Variants in FILIP1L observed in about 807,000 individuals in gnomAD.
FILIP1L encodes the protein filamin A interacting protein 1 like.
In FILIP1L, 55 loss-of-function variants were observed where a neutral mutation model predicts 96.6. The observed-to-expected ratio is 0.57, with a 90% CI of 0.46 to 0.71. FILIP1L has a LOEUF of 0.71. Among genes scored for constraint, FILIP1L ranks in the 30% least tolerant of loss-of-function variants. The pLI, the probability that FILIP1L is intolerant of heterozygous loss-of-function variation, is 0.00. For missense variants in FILIP1L, 1,304 were observed against 1,321.2 expected (o/e 0.99, Z 0.20); for synonymous variants, 467 against 473.9 (o/e 0.99, Z 0.19).
intron 1 of FILIP1L, among the ~76,000 whole-genome samples, chr3:100,111,313 A>T (rs531795680): frequency 1.3e-5 from 2 of 152,306 alleles, no homozygotes; most frequent in Admixed American, 1.3e-4. Flanking sequence ...ACTCATGTTG[A>T]AAATGCAGAA....
intron 1 of FILIP1L, among the ~76,000 whole-genome samples, chr3:100,111,332 G>A (rs2066487190): frequency 6.6e-6 from 1 of 152,112 alleles, no homozygotes; most frequent in Non-Finnish European, 1.5e-5. Flanking sequence ...AATTTTTCTA[G>A]AACTTTATTT....
At chr3:99,980,142 CAGT>C (rs1265398935) in intron 1 of FILIP1L, among the ~76,000 whole-genome samples, 1 of 152,106 alleles carries the variant, frequency 6.6e-6, no homozygotes, top group African/African-American at 2.4e-5. Context: ...GTGAGACATG[CAGT>C]AGTACCTTAG....
At chr3:100,076,054 C>G (rs1413446762) in intron 1 of FILIP1L, among the ~76,000 whole-genome samples, 1 of 152,180 alleles carries the variant, frequency 6.6e-6, no homozygotes, top group African/African-American at 2.4e-5. Context: ...CTTCTTTCAA[C>G]TACATGGCTT....
chr3:100,012,192 A>T (rs1455436689), intron 1 of FILIP1L, among the ~76,000 whole-genome samples: 1 of 152,200 alleles, frequency 6.6e-6, no homozygotes, highest in African/African-American at 2.4e-5. Context: ...TGTCTTTTAT[A>T]TTCCAAAAGG....
At chr3:99,840,489 T>C (rs1943087245) in intron 5 of FILIP1L, among the ~76,000 whole-genome samples, 1 of 152,126 alleles carries the variant, frequency 6.6e-6, no homozygotes, top group African/African-American at 2.4e-5. Context: ...CCCAAAGTGC[T>C]GGGATTACAG....
intron 4 of FILIP1L, among the ~76,000 whole-genome samples, chr3:99,920,261 T>C (rs1482271749): frequency 6.6e-6 from 1 of 152,004 alleles, no homozygotes; most frequent in African/African-American, 2.4e-5. Flanking sequence ...AAAGCAACTC[T>C]TTTTTTTCTT....
At chr3:99,996,024 A>T (rs1709668795) in intron 1 of FILIP1L, among the ~76,000 whole-genome samples, 1 of 152,222 alleles carries the variant, frequency 6.6e-6, no homozygotes, top group African/African-American at 2.4e-5. Context: ...AAATTTCTGC[A>T]GCTGGCTTGA....
chr3:99,947,052 C>G (rs768136577), intron 1 of FILIP1L, among the ~76,000 whole-genome samples: 4 of 149,188 alleles, frequency 2.7e-5, no homozygotes, highest in Non-Finnish European at 3.0e-5. Context: ...CAGGGAGAAT[C>G]ACTTGCAGCT....
intron 1 of FILIP1L, among the ~76,000 whole-genome samples, chr3:100,058,337 A>C (rs945731175): frequency 3.9e-5 from 6 of 152,238 alleles, no homozygotes; most frequent in Admixed American, 6.5e-5. Context: ...AACTTTGTAC[A>C]ATCAGATGCT....
intron 1 of FILIP1L, among the ~76,000 whole-genome samples, chr3:99,985,202 G>GA (rs1242875724): frequency 4.6e-5 from 7 of 152,148 alleles, no homozygotes; most frequent in Admixed American, 2.0e-4. Flanking sequence ...AAAAGGTTGA[G>GA]AAAACTGCAA....
intron 1 of FILIP1L, among the ~76,000 whole-genome samples, chr3:100,077,547 G>A (rs1307634703): frequency 6.6e-6 from 1 of 152,182 alleles, no homozygotes; most frequent in Non-Finnish European, 1.5e-5. Flanking sequence ...AACATTCCAG[G>A]TAGAGGAATT....
intron 1 of FILIP1L, among the ~76,000 whole-genome samples, chr3:100,054,565 T>C (rs2065431915): frequency 6.6e-6 from 1 of 151,064 alleles, no homozygotes; most frequent in African/African-American, 2.4e-5. Context: ...GTTACCTACC[T>C]GCCCCTGTTG....
At chr3:99,960,456 A>T (rs545520974) in intron 1 of FILIP1L, among the ~76,000 whole-genome samples, 1 of 152,224 alleles carries the variant, frequency 6.6e-6, no homozygotes, top group Non-Finnish European at 1.5e-5. Context: ...CACAGGGGAA[A>T]AATCAAAGAT....
At chr3:99,931,254 TG>T (rs2107663525) in intron 1 of FILIP1L, among the ~76,000 whole-genome samples, 1 of 152,264 alleles carries the variant, frequency 6.6e-6, no homozygotes, top group Admixed American at 6.5e-5. Context: ...TGTTCTGTCT[TG>T]ATTAAGGCCA....
At chr3:99,930,670 T>C in intron 2 of FILIP1L, 99 bp downstream of exon 2, 1 of 1,315,366 alleles carries the variant, frequency 7.6e-7, no homozygotes, top group Non-Finnish European at 1.1e-6. Flanking sequence ...TACACACATG[T>C]ATGAACCACA....
At chr3:99,917,365 G>T (rs568031855) in intron 4 of FILIP1L, among the ~76,000 whole-genome samples, 2 of 152,084 alleles carry the variant, frequency 1.3e-5, no homozygotes, top group South Asian at 2.1e-4. Flanking sequence ...ATTTATCTTG[G>T]ACCTCCCGTA....
chr3:100,096,580 G>A (rs914230527), intron 1 of FILIP1L, among the ~76,000 whole-genome samples: 1 of 151,996 alleles, frequency 6.6e-6, no homozygotes, highest in African/African-American at 2.4e-5. Context: ...AACACATGTT[G>A]ATGGAGAGTA....
intron 1 of FILIP1L, among the ~76,000 whole-genome samples, chr3:100,087,322 A>G (rs965417857): frequency 8.5e-5 from 13 of 152,238 alleles, no homozygotes; most frequent in African/African-American, 3.1e-4. Flanking sequence ...CCAACAGTGT[A>G]TGAGAAATTC....
At chr3:99,918,590 AGGCATTGTAT>A (rs1707027956) in intron 4 of FILIP1L, among the ~76,000 whole-genome samples, 1 of 152,224 alleles carries the variant, frequency 6.6e-6, no homozygotes, top group Non-Finnish European at 1.5e-5. Context: ...TGAAATTAAA[AGGCATTGTAT>A]GGAAACCGCT....
Sources: gnomAD v4.1 joint callset for allele counts (sites outside exome capture counted in the v4.1 genomes callset) on GRCh38, gnomAD v4.1.1 for gene constraint, MANE v1.5 for transcripts, NCBI Gene and HGNC (gene_info 2026-07-23, HGNC 2026-07-21) for gene names.